SRP54: variants seen among roughly 807,000 people sequenced by gnomAD.
SRP54 encodes the protein signal recognition particle 54.
In SRP54, 10 loss-of-function variants were observed where a neutral mutation model predicts 64.8. The ratio of observed to expected loss-of-function variants is 0.15; its 90% CI spans 0.10 to 0.26. SRP54 has a LOEUF of 0.26. Among genes scored for constraint, SRP54 ranks in the 10% least tolerant of loss-of-function variants. SRP54 has a pLI of 1.00. For missense variants in SRP54, 325 were observed against 613.7 expected (o/e 0.53, Z 4.97); for synonymous variants, 193 against 185.6 (o/e 1.04, Z -0.32).
At chr14:34,988,590 TATATAAC>T (rs1325941812) in intron 1 of SRP54, among the ~76,000 whole-genome samples, 7 of 123,158 alleles carry the variant, frequency 5.7e-5, no homozygotes, top group African/African-American at 2.0e-4. Flanking sequence ...TATATATATA[TATATAAC>T]ATATATATAT....
chr14:34,994,049 A>G (rs923370782), intron 1 of SRP54, among the ~76,000 whole-genome samples: 6 of 151,960 alleles, frequency 3.9e-5, no homozygotes, highest in African/African-American at 1.5e-4. Flanking sequence ...GGCTGAGTGC[A>G]GTGGCGCGAT....
intron 1 of SRP54, among the ~76,000 whole-genome samples, chr14:34,990,129 C>T (rs2043958154): frequency 6.6e-6 from 1 of 152,164 alleles, no homozygotes; most frequent in Admixed American, 6.5e-5. Context: ...GCTTACTATC[C>T]AAATCCTAGT....
Position 35,022,983 on chromosome 14 carries a change from G to A in SRP54, c.1230G>A (p.Ser410=), listed in dbSNP as rs781030061. The part of the protein sequence containing the change: ...PGRIQRVARG[S]GVSTRDVQEL... Reference sequence around the variant, plus strand: ...GAATCCAAAGAGTAGCAAGAGGATCGGGTGTATCAACAAGAGATGTTCAAG... The same window carrying A: ...GAATCCAAAGAGTAGCAAGAGGATCAGGTGTATCAACAAGAGATGTTCAAG... Residue 410 remains serine, a synonymous_variant, in exon 14 of 16, where the codon TCG becomes TCA. Coordinates refer to ENST00000216774, the MANE Select transcript of SRP54 (RefSeq NM_003136.4). 4.3e-6 allele frequency: 7 copies of A among 1,613,732 alleles called. No homozygotes were observed. The highest frequency in any genetic ancestry group is 2.7e-5 in the African/African-American group (2 of 74,872).
intron 14 of SRP54, among the ~76,000 whole-genome samples, chr14:35,024,235 G>A (rs947461863): frequency 2.0e-5 from 3 of 152,064 alleles, no homozygotes; most frequent in African/African-American, 7.2e-5. Flanking sequence ...CACTATGTTG[G>A]CCAGGCTGGT....
At position 35,000,846 on chromosome 14, in the gene SRP54, G is replaced by A. The variant is rs574980040; in HGVS notation, c.171-90G>A. On this transcript the variant is annotated intron_variant, in intron 3 of 15. Coordinates refer to ENST00000216774, the MANE Select transcript of SRP54 (RefSeq NM_003136.4). Reference sequence around the variant, plus strand: ...CTATTAATATGAATGACTGAATGTTGTACATTCTTTGGAGCAGAAGCTTCT... The same window carrying A: ...CTATTAATATGAATGACTGAATGTTATACATTCTTTGGAGCAGAAGCTTCT... 5 of 582,640 alleles carry A rather than the reference G, an allele frequency of 8.6e-6. No homozygotes were observed. The Admixed American group carries it at 1.1e-4, about 13-fold the overall frequency. The allele number at this position is 582,640 out of a possible 1,614,324, so 36.1% of individuals were successfully genotyped here.
At chr14:35,016,706 T>C (rs776266290) in intron 11 of SRP54, among the ~76,000 whole-genome samples, 1 of 152,216 alleles carries the variant, frequency 6.6e-6, no homozygotes, top group Non-Finnish European at 1.5e-5. Context: ...AAGGTGAAGG[T>C]AGAGGTCATA....
chr14:35,021,033 ATATG>A (rs1480291552), intron 13 of SRP54, among the ~76,000 whole-genome samples: 1 of 152,176 alleles, frequency 6.6e-6, no homozygotes, highest in Non-Finnish European at 1.5e-5. Context: ...AATATAATAT[ATATG>A]TTTCATAAAT....
chr14:35,020,906 T>G (rs1295968445), intron 13 of SRP54, among the ~76,000 whole-genome samples: 1 of 152,240 alleles, frequency 6.6e-6, no homozygotes, highest in Admixed American at 6.5e-5. Context: ...CTTTCCTGAC[T>G]TCCTTCCTTC....
intron 1 of SRP54, among the ~76,000 whole-genome samples, chr14:34,991,197 T>C (rs932439027): frequency 2.0e-5 from 3 of 150,270 alleles, no homozygotes; most frequent in African/African-American, 7.3e-5. Context: ...TGGCACGATC[T>C]GGGCTCACTG....
intron 15 of SRP54, among the ~76,000 whole-genome samples, chr14:35,028,845 A>G (rs555265925): frequency 4.7e-4 from 71 of 152,310 alleles, no homozygotes; most frequent in Middle Eastern, 3.4e-3. Flanking sequence ...TATTCCTCGC[A>G]ATAACTCCGT....
chr14:34,996,506 G>A (rs2044075214), intron 1 of SRP54, among the ~76,000 whole-genome samples, 171 bp from the exon 2 acceptor site: 1 of 152,176 alleles, frequency 6.6e-6, no homozygotes, highest in Non-Finnish European at 1.5e-5. Flanking sequence ...TCATAACCAA[G>A]TAGCAGTTTT....
chr14:35,013,730 T>A, intron 9 of SRP54, 72 bp from the exon 10 acceptor site: 1 of 1,389,476 alleles, frequency 7.2e-7, no homozygotes, highest in Non-Finnish European at 1.0e-6. Flanking sequence ...GCGGATTCAC[T>A]TCGAATTTCA....
intron 1 of SRP54, among the ~76,000 whole-genome samples, chr14:34,987,276 T>TATATATATATATAC (rs1491287346): frequency 7.0e-5 from 4 of 56,740 alleles, no homozygotes; most frequent in African/African-American, 1.5e-4. Context: ...TGTGTGTGTG[T>TATATATATATATAC]ATATATATAT....
rs756276298 is a variant in SRP54 at position 35,007,400 on chromosome 14, TAA to T, written c.360+14_360+15del. The T allele has an allele frequency of 1.6e-5, 25 of 1,529,796 alleles. No individual in the cohort carries two copies. The East Asian group carries it at 4.9e-4, about 30-fold the overall frequency. The allele number at this position is 1,529,796 out of a possible 1,614,324, so 94.8% of individuals were successfully genotyped here. ...AACATGTTCAAAGGTAAATTGAACT[TAA>T]TTTAAAAAGAAGTCATATGGAAGAT... On this transcript the variant is annotated intron_variant, in intron 5 of 15. Coordinates refer to ENST00000216774, the MANE Select transcript of SRP54 (RefSeq NM_003136.4).
At chr14:35,013,936 C>T (rs1334044425) in intron 10 of SRP54, 34 bp downstream of exon 10, 4 of 1,407,010 alleles carry the variant, frequency 2.8e-6, no homozygotes, top group Non-Finnish European at 4.0e-6. Context: ...GAAAAATCTC[C>T]AAGAAATACG....
chr14:35,023,787 A>AACACACACAC (rs57037784), intron 14 of SRP54, among the ~76,000 whole-genome samples: 2,428 of 140,334 alleles, frequency 0.017, 27 homozygotes, highest in East Asian at 0.032. Context: ...CCGGTCCCCA[A>AACACACACAC]ACACACACAC....
intron 2 of SRP54, among the ~76,000 whole-genome samples, chr14:34,999,012 TG>T (rs1175275817): frequency 2.8e-4 from 14 of 49,564 alleles, no homozygotes; most frequent in South Asian, 1.6e-3. Context: ...TGTGTGTGTG[TG>T]GTTTTTTTTT....
chr14:35,025,079 T>G (rs557196209), intron 14 of SRP54, among the ~76,000 whole-genome samples: 2 of 152,178 alleles, frequency 1.3e-5, no homozygotes, highest in Non-Finnish European at 2.9e-5. Context: ...TTAATCTCAA[T>G]TGAATTTATT....
intron 1 of SRP54, among the ~76,000 whole-genome samples, chr14:34,983,453 G>GTT (rs2043840818): frequency 6.6e-6 from 1 of 152,266 alleles, no homozygotes; most frequent in Non-Finnish European, 1.5e-5. Flanking sequence ...GATGTAGGCA[G>GTT]TTGCAGGCCT....
Sources: gnomAD v4.1 joint callset for allele counts (sites outside exome capture counted in the v4.1 genomes callset) on GRCh38, gnomAD v4.1.1 for gene constraint, MANE v1.5 for transcripts, NCBI Gene and HGNC (gene_info 2026-07-23, HGNC 2026-07-21) for gene names.